LARGE1: variants seen among roughly 807,000 people sequenced by gnomAD.
LARGE1 encodes xylosyl- and glucuronyltransferase LARGE1.
Under a neutral mutation model 87.6 loss-of-function variants are expected in LARGE1, and 43 were observed. The observed-to-expected ratio is 0.49, with a 90% CI of 0.38 to 0.63. LARGE1 has a LOEUF of 0.63. Ranked by LOEUF, LARGE1 falls within the 30% of genes least tolerant of loss-of-function variation. The pLI is 0.00. For synonymous variants in LARGE1, 434 were observed against 394.6 expected (o/e 1.10, Z -1.18); for missense variants, 802 against 1,000.2 (o/e 0.80, Z 2.67).
chr22:33,562,671 G>A (rs145471916), intron 6 of LARGE1, among the ~76,000 whole-genome samples: 83 of 152,246 alleles, frequency 5.5e-4, no homozygotes, highest in Non-Finnish European at 1.0e-3. Context: ...TCCCTTCCAC[G>A]GATGATATCA....
intron 7 of LARGE1, among the ~76,000 whole-genome samples, chr22:33,396,463 C>G (rs377490630): frequency 4.7e-4 from 49 of 104,720 alleles, no homozygotes; most frequent in Middle Eastern, 5.0e-3. Context: ...GAGAGAGTGA[C>G]AGAGAGAGAG....
chr22:33,887,290 G>A (rs2064879501), intron 1 of LARGE1, among the ~76,000 whole-genome samples: 2 of 152,182 alleles, frequency 1.3e-5, no homozygotes, highest in African/African-American at 4.8e-5. Flanking sequence ...CCTTAAAACA[G>A]AAACACTAGA....
chr22:33,342,715 A>C (rs1939296464), intron 9 of LARGE1, among the ~76,000 whole-genome samples: 2 of 152,114 alleles, frequency 1.3e-5, no homozygotes, highest in Admixed American at 6.5e-5. Flanking sequence ...TAGCTCATCA[A>C]GCCTCATCCC....
intron 5 of LARGE1, among the ~76,000 whole-genome samples, chr22:33,597,652 AGC>A (rs1338889910): frequency 1.3e-5 from 2 of 152,150 alleles, no homozygotes; most frequent in Admixed American, 1.3e-4. Context: ...GTTGGTAACA[AGC>A]GGGCATTGGG....
chr22:33,729,731 C>T (rs1360800009), intron 2 of LARGE1, among the ~76,000 whole-genome samples: 2 of 152,254 alleles, frequency 1.3e-5, no homozygotes, highest in Non-Finnish European at 2.9e-5. Context: ...ACAGGATGGA[C>T]ATGGCCCTAG....
chr22:33,366,111 T>C (rs1396145237), intron 9 of LARGE1, among the ~76,000 whole-genome samples: 1 of 152,274 alleles, frequency 6.6e-6, no homozygotes, highest in East Asian at 1.9e-4. Flanking sequence ...TCTAAGTTTC[T>C]AATCCGTCTG....
the LARGE1 span, among the ~76,000 whole-genome samples, chr22:33,068,794 G>A: frequency 6.6e-6 from 1 of 152,116 alleles, no homozygotes; most frequent in Non-Finnish European, 1.5e-5. Context: ...GTGTTGCCAG[G>A]CAACCAAAAC....
At chr22:33,455,245 A>C (rs1353333858) in intron 6 of LARGE1, among the ~76,000 whole-genome samples, 2 of 152,134 alleles carry the variant, frequency 1.3e-5, no homozygotes, top group Non-Finnish European at 1.5e-5. Flanking sequence ...CAGATGGCTC[A>C]CTCGAAGCAG....
At chr22:33,818,893 T>C (rs930435274) in intron 1 of LARGE1, among the ~76,000 whole-genome samples, 5 of 152,118 alleles carry the variant, frequency 3.3e-5, no homozygotes, top group African/African-American at 1.2e-4. Flanking sequence ...GTGGTCTCCC[T>C]TGGGTGGGCT....
chr22:33,556,529 AGGGAGGGAAGG>A (rs2148727752), intron 6 of LARGE1, among the ~76,000 whole-genome samples: 1 of 44,484 alleles, frequency 2.2e-5, no homozygotes, highest in Non-Finnish European at 4.3e-5. Flanking sequence ...GGAGGGAGGG[AGGGAGGGAAGG>A]AGGGAGGGAG....
At chr22:33,473,904 C>T (rs1369912209) in intron 6 of LARGE1, among the ~76,000 whole-genome samples, 4 of 152,196 alleles carry the variant, frequency 2.6e-5, no homozygotes, top group Admixed American at 1.3e-4. Flanking sequence ...CAGAAATGTG[C>T]AGCTGATACC....
At chr22:33,852,724 C>T (rs917717065) in intron 1 of LARGE1, among the ~76,000 whole-genome samples, 3 of 151,586 alleles carry the variant, frequency 2.0e-5, no homozygotes, top group East Asian at 1.9e-4. Flanking sequence ...GGCGTGGCGG[C>T]GTACACCTGT....
At chr22:33,329,920 GA>G (rs1298552394) in intron 10 of LARGE1, among the ~76,000 whole-genome samples, 1 of 152,024 alleles carries the variant, frequency 6.6e-6, no homozygotes, top group Non-Finnish European at 1.5e-5. Flanking sequence ...AAACTGAATG[GA>G]AACTTTCTAT....
intron 5 of LARGE1, among the ~76,000 whole-genome samples, chr22:33,602,776 G>A (rs1453333536): frequency 6.6e-6 from 1 of 152,162 alleles, no homozygotes; most frequent in East Asian, 1.9e-4. Flanking sequence ...GCCTCCTAAA[G>A]TGCTGGGATT....
intron 6 of LARGE1, among the ~76,000 whole-genome samples, chr22:33,527,379 G>A (rs1002320198): frequency 2.6e-5 from 4 of 152,142 alleles, no homozygotes; most frequent in African/African-American, 4.8e-5. Flanking sequence ...CAAAGATAAC[G>A]GCATTACCAC....
chr22:33,890,390 A>G (rs1200730586), intron 1 of LARGE1, among the ~76,000 whole-genome samples: 1 of 152,206 alleles, frequency 6.6e-6, no homozygotes, highest in Non-Finnish European at 1.5e-5. Context: ...GTGCTTAAAA[A>G]AAAAATGAGC....
chr22:33,071,325 T>A, the LARGE1 span, among the ~76,000 whole-genome samples: 5 of 152,176 alleles, frequency 3.3e-5, no homozygotes, highest in African/African-American at 1.2e-4. Context: ...GGATTTGAGT[T>A]TTGGGAAGAT....
chr22:33,789,111 G>A (rs965717434), intron 1 of LARGE1, among the ~76,000 whole-genome samples: 9 of 152,124 alleles, frequency 5.9e-5, no homozygotes, highest in Admixed American at 5.2e-4. Flanking sequence ...GGCCTAGGAG[G>A]AAAAAATGGT....
intron 2 of LARGE1, among the ~76,000 whole-genome samples, chr22:33,740,258 TA>T (rs2083829279): frequency 6.6e-6 from 1 of 152,188 alleles, no homozygotes; most frequent in Admixed American, 6.5e-5. Context: ...TGTCCCCAGA[TA>T]CTTAGGTGCC....
Sources: gnomAD v4.1 joint callset for allele counts (sites outside exome capture counted in the v4.1 genomes callset) on GRCh38, gnomAD v4.1.1 for gene constraint, MANE v1.5 for transcripts, NCBI Gene and HGNC (gene_info 2026-07-23, HGNC 2026-07-21) for gene names.